BRF1: variants seen among roughly 807,000 people sequenced by gnomAD.
BRF1 encodes the protein transcription factor IIIB 90 kDa subunit.
A neutral mutation model predicts 81.7 loss-of-function variants in BRF1; 59 were observed. The ratio of observed to expected loss-of-function variants is 0.72; its 90% CI spans 0.59 to 0.90. The LOEUF (loss-of-function observed/expected upper bound fraction) is 0.90, where lower values mean the gene tolerates loss of function less well. Ranked by LOEUF, BRF1 falls within the 40% of genes least tolerant of loss-of-function variation. BRF1 has a pLI of 0.00. For missense variants in BRF1, 1,050 were observed against 936.3 expected (o/e 1.12, Z -1.58); for synonymous variants, 491 against 395.6 (o/e 1.24, Z -2.86).
At chr14:105,258,456 T>C (rs866058014) in intron 3 of BRF1, among the ~76,000 whole-genome samples, 1 of 145,544 alleles carries the variant, frequency 6.9e-6, no homozygotes, top group Non-Finnish European at 1.5e-5. Flanking sequence ...GCCACCGCAC[T>C]CCAGCCTGGG....
At chr14:105,259,579 C>G (rs1177717019) in intron 3 of BRF1, among the ~76,000 whole-genome samples, 1 of 152,236 alleles carries the variant, frequency 6.6e-6, no homozygotes, top group Non-Finnish European at 1.5e-5. Context: ...ATTCACACAG[C>G]AATACCACTC....
rs751916363 is a variant in BRF1, at chr14:105,286,347, C to A, written c.214G>T (p.Gly72Cys). The A allele has an allele frequency of 6.2e-7, 1 of 1,613,570 alleles. No individual in the cohort carries two copies. Among genetic ancestry groups the A allele is most frequent in the Non-Finnish European group, 8.5e-7 (1 of 1,179,914 alleles). Residue 72 changes from glycine to cysteine, a missense_variant, in exon 2 of 18, where the codon GGC becomes TGC. Physicochemically the swap from Gly to Cys is radical, Grantham distance 159. Transcript: ENST00000547530. ...TCCTTCCCCAGATTCACGTGGAAGC[C>A]GCCACCCAGAGTCGGGGTTTTGCCA... The part of the protein sequence containing the change: ...GAGKTPTLGG[G>C]FHVNLGKESR...
At chr14:105,225,531 TACA>T (rs763291832) in intron 10 of BRF1, among the ~76,000 whole-genome samples, 108 of 152,342 alleles carry the variant, frequency 7.1e-4, no homozygotes, top group Admixed American at 1.3e-3. Flanking sequence ...CTGACTCTAG[TACA>T]ACATCAATGA....
chr14:105,266,653 G>T (rs1728895625), intron 3 of BRF1, among the ~76,000 whole-genome samples: 2 of 152,094 alleles, frequency 1.3e-5, no homozygotes. Context: ...CCCCTCCCAG[G>T]ACAGGAGAGA....
intron 5 of BRF1, among the ~76,000 whole-genome samples, chr14:105,245,373 T>C (rs1274006802): frequency 1.3e-5 from 2 of 151,342 alleles, no homozygotes; most frequent in Non-Finnish European, 2.9e-5. Context: ...AAAAAATAAA[T>C]AAATAAATAA....
chr14:105,303,979 C>G (rs1595512030), upstream of BRF1, among the ~76,000 whole-genome samples: 1 of 152,262 alleles, frequency 6.6e-6, no homozygotes, highest in African/African-American at 2.4e-5. Flanking sequence ...CATGTGGCCA[C>G]TGGATCCTTG....
intron 2 of BRF1, among the ~76,000 whole-genome samples, chr14:105,278,476 T>C (rs1485592716): frequency 2.0e-5 from 3 of 150,782 alleles, no homozygotes; most frequent in Admixed American, 6.6e-5. Context: ...ACCACTTACA[T>C]GTAAAGTATA....
Position 105,241,335 on chromosome 14 carries a change from C to T in BRF1, c.624G>A (p.Leu208=), listed in dbSNP as rs772123455. 1 of 1,612,774 alleles carries T rather than the reference C, an allele frequency of 6.2e-7. No homozygotes were observed. The highest frequency in any genetic ancestry group is 1.7e-5 in the Admixed American group (1 of 60,012). The change falls in exon 6 of 18, where the codon CTG becomes CTA. Residue 208 remains leucine (L), a synonymous_variant. Coordinates refer to ENST00000547530, the MANE Select transcript of BRF1 (RefSeq NM_001519.4). ...EKNHEVSMTA[L]RLLQRMKRDW... is the part of the protein sequence containing the mutation. The stretch of plus-strand genomic sequence containing the variant: ...CCCGCTTCATCCTCTGTAGGAGCCT[C>T]AGGGCAGTCATGGACACCTCGTGGT...
chr14:105,274,024 G>T (rs1381273862), intron 2 of BRF1, among the ~76,000 whole-genome samples: 1 of 152,198 alleles, frequency 6.6e-6, no homozygotes, highest in Non-Finnish European at 1.5e-5. Flanking sequence ...TTGTACACTT[G>T]TTCAATTCTG....
chr14:105,250,207 G>A (rs758054240), intron 5 of BRF1: 5 of 1,612,850 alleles, frequency 3.1e-6, no homozygotes, highest in Admixed American at 3.3e-5. Flanking sequence ...CCAAGAGGAA[G>A]GGCCTCGCCC....
rs587705765 is a variant in BRF1 at position 105,262,144 on chromosome 14, C to T, written c.440-5595G>A. On this transcript the variant is annotated intron_variant, in intron 3 of 17. Coordinates refer to ENST00000547530, the MANE Select transcript of BRF1 (RefSeq NM_001519.4). ...AGGCAGACTGGGCATCCTCAGGCCC[C>T]GCACATGCCTGGACGGGGCTATGAC... Among the ~76,000 whole-genome samples the T allele has an allele frequency of 1.6e-4, 24 of 152,336 alleles. 1 individual carries two copies. The East Asian group carries it at 3.1e-3, about 20-fold the overall frequency.
intron 1 of BRF1, chr14:105,314,696 G>GGGGGCGCGCGGGGCGCGGGC (rs2058480258): frequency 7.0e-6 from 1 of 142,658 alleles, no homozygotes; most frequent in Admixed American, 6.9e-5. Context: ...CGGGGCGGCC[G>GGGGGCGCGCGGGGCGCGGGC]GGGGCGCGCG....
intron 1 of BRF1, among the ~76,000 whole-genome samples, chr14:105,287,265 A>G (rs1253744088): frequency 6.6e-6 from 1 of 152,226 alleles, no homozygotes; most frequent in African/African-American, 2.4e-5. Flanking sequence ...CACCAGCCCG[A>G]TCGCTGCAGC....
At chr14:105,292,297 C>T (rs1223129957) in intron 1 of BRF1, among the ~76,000 whole-genome samples, 3 of 152,172 alleles carry the variant, frequency 2.0e-5, no homozygotes, top group Non-Finnish European at 4.4e-5. Flanking sequence ...GATTCTCATG[C>T]CTCAGTCTCC....
intron 3 of BRF1, among the ~76,000 whole-genome samples, chr14:105,267,679 T>A (rs2056480877): frequency 6.6e-6 from 1 of 152,138 alleles, no homozygotes; most frequent in Non-Finnish European, 1.5e-5. Context: ...GCCATCCTAA[T>A]ACCTTCTTCT....
chr14:105,273,057 A>T (rs915145092), intron 2 of BRF1, among the ~76,000 whole-genome samples, 163 bp from the exon 3 acceptor site: 2 of 152,204 alleles, frequency 1.3e-5, no homozygotes, highest in Non-Finnish European at 2.9e-5. Context: ...TTATTTAAGG[A>T]CACTGAAATG....
intron 2 of BRF1, among the ~76,000 whole-genome samples, chr14:105,277,607 C>T (rs747037402): frequency 9.9e-5 from 15 of 152,136 alleles, no homozygotes; most frequent in Non-Finnish European, 2.1e-4. Flanking sequence ...CAACTGTCTC[C>T]CCCATCTCCA....
In BRF1 at chr14:105,228,740, C is replaced by T. The variant is rs587698835; in HGVS notation, c.788+80G>A. 1.1e-3 allele frequency: 1,688 copies of T among 1,500,656 alleles called. 3 individuals are homozygous for T. The highest frequency in any genetic ancestry group is 2.7e-3 in the African/African-American group (197 of 72,674). 93.0% of individuals were successfully genotyped at this position (1,500,656 alleles called of 1,614,324 possible). A position where few individuals can be genotyped will look rare whatever the true frequency, so the allele number is the denominator to read the frequency against. On this transcript the variant is annotated intron_variant, in intron 7 of 17. Transcript: ENST00000547530. ...GGGACGGCAGGGTCCCGGGAGGTGG[C>T]GCCTGCTCTGGCAAGCAGGCCTGAG...
At chr14:105,285,584 G>A (rs765755710) in intron 2 of BRF1, among the ~76,000 whole-genome samples, 2 of 152,186 alleles carry the variant, frequency 1.3e-5, no homozygotes, top group African/African-American at 2.4e-5. Flanking sequence ...AAATCTTCAC[G>A]ATTTGGACTG....
Sources: gnomAD v4.1 joint callset for allele counts (sites outside exome capture counted in the v4.1 genomes callset) on GRCh38, gnomAD v4.1.1 for gene constraint, MANE v1.5 for transcripts, NCBI Gene and HGNC (gene_info 2026-07-23, HGNC 2026-07-21) for gene names.